Variants in POLK observed in about 807,000 individuals in gnomAD.
The protein encoded by POLK is DNA polymerase kappa.
POLK carries 76 observed loss-of-function variants against 94.0 expected under a neutral mutation model. The ratio of observed to expected loss-of-function variants is 0.81; its 90% CI spans 0.67 to 0.98. The LOEUF (loss-of-function observed/expected upper bound fraction) is 0.98. Among genes scored for constraint, POLK ranks in the 50% least tolerant of loss-of-function variants. The pLI is 0.00. For synonymous variants in POLK, 349 were observed against 325.4 expected (o/e 1.07, Z -0.78); for missense variants, 954 against 1,010.1 (o/e 0.94, Z 0.75).
intron 3 of POLK, among the ~76,000 whole-genome samples, chr5:75,568,520 C>T (rs564668229): frequency 1.3e-5 from 2 of 152,280 alleles, no homozygotes; most frequent in South Asian, 4.1e-4. Context: ...TTTCTACCCC[C>T]TTTCATTTCT....
intron 1 of POLK, among the ~76,000 whole-genome samples, chr5:75,532,478 GTC>G (rs928320416): frequency 2.6e-5 from 4 of 151,244 alleles, no homozygotes; most frequent in Admixed American, 6.6e-5. Context: ...TTTAAATCCA[GTC>G]TACCATTAAT....
intron 9 of POLK, among the ~76,000 whole-genome samples, chr5:75,585,441 A>G (rs535891468): frequency 5.3e-5 from 8 of 152,358 alleles, no homozygotes; most frequent in Non-Finnish European, 1.0e-4. Context: ...TTTACAGACT[A>G]GTGTGAGAGA....
chr5:75,524,128 CAA>C (rs1281107158), intron 1 of POLK, among the ~76,000 whole-genome samples: 1 of 102,980 alleles, frequency 9.7e-6, no homozygotes. Flanking sequence ...GACTCCGTCT[CAA>C]AAAAAAAAAA....
At position 75,596,909 on chromosome 5, in the gene POLK, A is replaced by G. The variant is rs369023912; in HGVS notation, c.2216A>G (p.Glu739Gly). 7 of 1,613,504 alleles carry G rather than the reference A, an allele frequency of 4.3e-6. No homozygotes were observed. In the African/African-American group the frequency reaches 8.0e-5, roughly 18 times the overall value. ...CTCCCAAGCAAGTCTTTTAATATTG[A>G]ACACTGTCATCAGAATTCTTCTTCT... is the stretch of plus-strand genomic sequence containing the variant. Residue 739 changes from glutamate (E) to glycine (G), a missense_variant, in exon 13 of 15, where the codon GAA becomes GGA. Transcript: ENST00000241436.
At chr5:75,607,054 T>C in the POLK span, among the ~76,000 whole-genome samples, 1 of 152,280 alleles carries the variant, frequency 6.6e-6, no homozygotes, top group African/African-American at 2.4e-5. Flanking sequence ...TAAAAAGATG[T>C]GATAATGTGA....
At chr5:75,544,410 G>T (rs965713906) in intron 1 of POLK, among the ~76,000 whole-genome samples, 1 of 152,130 alleles carries the variant, frequency 6.6e-6, no homozygotes, top group Non-Finnish European at 1.5e-5. Flanking sequence ...TCTTTGGGAG[G>T]CTGGGACAGA....
rs975035931 is a variant in POLK at position 75,597,310 on chromosome 5, G to A, written c.2485+132G>A. 9.7e-6 allele frequency: 6 copies of A among 621,432 alleles called. No homozygotes were observed. In the African/African-American group the frequency reaches 1.1e-4, roughly 11 times the overall value. 38.5% of individuals were successfully genotyped at this position (621,432 alleles called of 1,614,324 possible). On this transcript the variant is annotated intron_variant, in intron 13 of 14. Coordinates refer to ENST00000241436, the Ensembl canonical transcript of POLK. Reference sequence around the variant, plus strand: ...TGTGTATGCCGCCATTTAGGGAAATGTTGGTTACATTGCCATAGGTTAGAA... The same window carrying A: ...TGTGTATGCCGCCATTTAGGGAAATATTGGTTACATTGCCATAGGTTAGAA...
At chr5:75,579,355 C>A (rs1169584519) in intron 6 of POLK, among the ~76,000 whole-genome samples, 1 of 151,712 alleles carries the variant, frequency 6.6e-6, no homozygotes, top group Non-Finnish European at 1.5e-5. Flanking sequence ...GTTTCACAGT[C>A]TTTATTTTTT....
At chr5:75,605,118 TACACACACACACAC>T (rs3842052), downstream of POLK, among the ~76,000 whole-genome samples, 11 of 146,740 alleles carry the variant, frequency 7.5e-5, no homozygotes, top group Admixed American at 2.7e-4. Context: ...TGTATACACA[TACACACACACACAC>T]ACACACACAC....
chr5:75,597,736 T>G lies in POLK; in HGVS notation c.2486-11T>G. The stretch of plus-strand genomic sequence containing the variant: ...TCATTATGGAATTTCTTGACTTTCT[T>G]TCCTCTAAAGGTAGCTCAAGTGGAG... On this transcript the variant is annotated splice_polypyrimidine_tract_variant and intron_variant, in intron 13 of 14. Coordinates refer to ENST00000241436, the Ensembl canonical transcript of POLK. The G allele has an allele frequency of 2.1e-6, 3 of 1,437,294 alleles. No individual in the cohort carries two copies. Among genetic ancestry groups the G allele is most frequent in the Non-Finnish European group, 2.8e-6 (3 of 1,074,178 alleles). The allele number at this position is 1,437,294 out of a possible 1,614,324, so 89.0% of individuals were successfully genotyped here.
At chr5:75,525,493 T>C (rs1768794668) in intron 1 of POLK, among the ~76,000 whole-genome samples, 1 of 151,808 alleles carries the variant, frequency 6.6e-6, no homozygotes, top group Admixed American at 6.6e-5. Flanking sequence ...GGGAAAAAAT[T>C]AAAAACAACA....
At chr5:75,523,929 A>G (rs1290443724) in intron 1 of POLK, among the ~76,000 whole-genome samples, 1 of 152,098 alleles carries the variant, frequency 6.6e-6, no homozygotes, top group Non-Finnish European at 1.5e-5. Context: ...CAGGAGTTCA[A>G]GACCAGCCTG....
At chr5:75,529,335 A>G (rs1296526069) in intron 1 of POLK, among the ~76,000 whole-genome samples, 1 of 152,116 alleles carries the variant, frequency 6.6e-6, no homozygotes, top group South Asian at 2.1e-4. Context: ...AAGAACTCAC[A>G]TATTACCACA....
In POLK at chr5:75,531,180, G is replaced by A. The variant is rs563092175; in HGVS notation, c.-13-15830G>A. 2.0e-4 allele frequency among the ~76,000 whole-genome samples: 31 copies of A among 151,546 alleles called. No homozygotes were observed. The East Asian group carries it at 5.0e-3, about 25-fold the overall frequency. ...TTTTTTTTCCTCGAACAGGTTCTAC[G>A]GGAAAAAGTTTTTTGGCATCAATTA... On this transcript the variant is annotated intron_variant, in intron 1 of 14. Transcript: ENST00000241436.
chr5:75,548,139 C>G (rs1770146929), intron 2 of POLK, among the ~76,000 whole-genome samples: 1 of 152,096 alleles, frequency 6.6e-6, no homozygotes, highest in African/African-American at 2.4e-5. Context: ...CCAGGCTAGT[C>G]TTGATCTGCT....
chr5:75,535,473 C>T (rs376604566), intron 1 of POLK, among the ~76,000 whole-genome samples: 1 of 152,150 alleles, frequency 6.6e-6, no homozygotes, highest in Non-Finnish European at 1.5e-5. Flanking sequence ...CTCTGCATTT[C>T]CTGAATTTGA....
chr5:75,573,182 C>T (rs1448426361), intron 4 of POLK, among the ~76,000 whole-genome samples: 1 of 152,090 alleles, frequency 6.6e-6, no homozygotes, highest in African/African-American at 2.4e-5. Flanking sequence ...ACTATGCAGC[C>T]ATAAAAAATG....
At chr5:75,549,077 TAA>T (rs1376799117) in intron 2 of POLK, among the ~76,000 whole-genome samples, 1 of 152,198 alleles carries the variant, frequency 6.6e-6, no homozygotes, top group Non-Finnish European at 1.5e-5. Context: ...TAACAGCTGT[TAA>T]ATCTGAGTGA....
intron 3 of POLK, among the ~76,000 whole-genome samples, chr5:75,560,951 G>T (rs1770939484): frequency 6.6e-6 from 1 of 152,138 alleles, no homozygotes; most frequent in South Asian, 2.1e-4. Flanking sequence ...GTCTGATATT[G>T]TGAATAGTGC....
Sources: gnomAD v4.1 joint callset for allele counts (sites outside exome capture counted in the v4.1 genomes callset) on GRCh38, gnomAD v4.1.1 for gene constraint, MANE v1.5 for transcripts, NCBI Gene and HGNC (gene_info 2026-07-23, HGNC 2026-07-21) for gene names.